AGBL1: variants seen among roughly 807,000 people sequenced by gnomAD.
The protein encoded by AGBL1 is AGBL carboxypeptidase 1, also known as cytosolic carboxypeptidase 4.
A neutral mutation model predicts 118.9 loss-of-function variants in AGBL1; 130 were observed. That is an observed-to-expected ratio of 1.09 (90% CI 0.95 to 1.26). The LOEUF (loss-of-function observed/expected upper bound fraction) is 1.26, where lower values mean the gene tolerates loss of function less well. Among genes scored for constraint, AGBL1 ranks in the 50% most tolerant of loss-of-function variants. The pLI is 0.00. For synonymous variants in AGBL1, 555 were observed against 478.9 expected (o/e 1.16, Z -2.08); for missense variants, 1,584 against 1,298.1 (o/e 1.22, Z -3.38).
At chr15:86,396,053 GAAAAT>G in intron 17 of AGBL1, among the ~76,000 whole-genome samples, 1 of 150,938 alleles carries the variant, frequency 6.6e-6, no homozygotes. Context: ...CCATGTTGCT[GAAAAT>G]GACAGAATTC....
chr15:86,752,026 ATTTG>A (rs1169493106), intron 22 of AGBL1, among the ~76,000 whole-genome samples: 1 of 152,070 alleles, frequency 6.6e-6, no homozygotes, highest in African/African-American at 2.4e-5. Context: ...CCTTGGTTCA[ATTTG>A]TTCTCTATAT....
In AGBL1 at chr15:86,909,392, T is replaced by C. The variant is rs2080320883; in HGVS notation, c.*2098T>C. ...TCAGATGACACTCATAGCACACACCTCTTGACCAGCAGAAAGCCACAGAAC... is the reference window on the plus strand; with the variant it reads ...TCAGATGACACTCATAGCACACACCCCTTGACCAGCAGAAAGCCACAGAAC... On this transcript the variant is annotated 3_prime_UTR_variant, in exon 23 of 23. Transcript: ENST00000614907. The C allele has an allele frequency of 6.6e-6, 1 of 152,184 alleles. No individual in the cohort carries two copies. Among genetic ancestry groups the C allele is most frequent in the Non-Finnish European group, 1.5e-5 (1 of 68,042 alleles). The allele number at this position is 152,184 out of a possible 1,614,324, so 9.4% of individuals were successfully genotyped here.
In AGBL1 at chr15:86,206,644, A is replaced by G. The variant is rs115736000; in HGVS notation, c.489-18270A>G. Reference sequence around the variant, plus strand: ...GAAATGTCTTTTCATATCCTCTCCCACTTTGTGATGGGATTGTTTGATTTT... The same window carrying G: ...GAAATGTCTTTTCATATCCTCTCCCGCTTTGTGATGGGATTGTTTGATTTT... On this transcript the variant is annotated intron_variant, in intron 5 of 22. Transcript: ENST00000614907. 8.1e-3 allele frequency among the ~76,000 whole-genome samples: 1,235 copies of G among 152,078 alleles called. 17 individuals carry two copies. The highest frequency in any genetic ancestry group is 0.028 in the African/African-American group (1,178 of 41,464).
intron 22 of AGBL1, among the ~76,000 whole-genome samples, chr15:86,874,454 G>A (rs1376662258): frequency 6.0e-5 from 9 of 151,258 alleles, no homozygotes; most frequent in Admixed American, 1.3e-4. Context: ...AATTATGTTC[G>A]TTTCTCCCCA....
intron 18 of AGBL1, among the ~76,000 whole-genome samples, chr15:86,482,544 A>G (rs2082665443): frequency 1.3e-5 from 2 of 152,080 alleles, no homozygotes; most frequent in Non-Finnish European, 2.9e-5. Flanking sequence ...TTCGATACCT[A>G]TAATTGAAAC....
At chr15:86,108,620 C>T (rs1190909959) in intron 1 of AGBL1, among the ~76,000 whole-genome samples, 1 of 152,052 alleles carries the variant, frequency 6.6e-6, no homozygotes, top group African/African-American at 2.4e-5. Flanking sequence ...AAATTGAGGT[C>T]AAGAGAGATG....
chr15:86,142,070 G>A lies in AGBL1; in HGVS notation c.115+3G>A. 6.5e-7 allele frequency: 1 copy of A among 1,550,152 alleles called. No homozygotes were observed. The highest frequency in any genetic ancestry group is 1.2e-5 in the South Asian group (1 of 83,920). On this transcript the variant is annotated splice_donor_region_variant and intron_variant, in intron 2 of 22. Transcript: ENST00000614907. ...CCTCGGAGATCTGCTTTCTGTTGGT[G>A]AGTAGGCCATGCTCTCATGCTTTCA...
intron 23 of AGBL1, among the ~76,000 whole-genome samples, chr15:86,969,865 A>C (rs1596688492): frequency 6.6e-6 from 1 of 151,920 alleles, no homozygotes; most frequent in Non-Finnish European, 1.5e-5. Context: ...CAGTCACCTC[A>C]CTGAGGAATG....
At chr15:86,956,336 A>G (rs2080931473) in intron 23 of AGBL1, among the ~76,000 whole-genome samples, 1 of 152,102 alleles carries the variant, frequency 6.6e-6, no homozygotes, top group Non-Finnish European at 1.5e-5. Flanking sequence ...ATGGATAGAT[A>G]GATAGATGAT....
At chr15:86,854,453 G>A (rs1396512198) in intron 22 of AGBL1, among the ~76,000 whole-genome samples, 1 of 152,166 alleles carries the variant, frequency 6.6e-6, no homozygotes, top group African/African-American at 2.4e-5. Context: ...TGGGTGACAG[G>A]AGGCCCAACT....
At position 86,969,144 on chromosome 15, in the gene AGBL1, A is replaced by G. The variant is rs1279106672; in HGVS notation, c.3222-18843A>G. On this transcript the variant is annotated intron_variant, in intron 23 of 24. Transcript: ENST00000441037. ...ATCAAAAGTATTCACTTGTTCTAGC[A>G]TCAACTCAAAATTTAAAGTTCAAAG... 2.6e-5 allele frequency among the ~76,000 whole-genome samples: 4 copies of G among 152,090 alleles called. No individual in the cohort carries two copies. The East Asian group carries it at 7.8e-4, about 30-fold the overall frequency.
chr15:86,175,894 T>C (rs1221983609), intron 5 of AGBL1, among the ~76,000 whole-genome samples: 1 of 152,218 alleles, frequency 6.6e-6, no homozygotes, highest in Non-Finnish European at 1.5e-5. Context: ...GAGATTAATT[T>C]TGTGGCCTAA....
intron 1 of AGBL1, among the ~76,000 whole-genome samples, chr15:86,095,575 G>A (rs185241688): frequency 2.2e-3 from 326 of 149,906 alleles, no homozygotes; most frequent in African/African-American, 6.2e-3. Context: ...GGATTTTTCC[G>A]TGCCAGGAAC....
chr15:86,270,940 C>G (rs1280470761), intron 14 of AGBL1, among the ~76,000 whole-genome samples: 1 of 151,900 alleles, frequency 6.6e-6, no homozygotes, highest in African/African-American at 2.4e-5. Context: ...TTCCCAGCTT[C>G]TAGAGTAGCA....
In AGBL1 at chr15:86,317,636, C is replaced by T. The variant is rs115830978; in HGVS notation, c.2374+22228C>T. On this transcript the variant is annotated intron_variant, in intron 17 of 22. Transcript: ENST00000614907. ...ACTAGCTTTGGGAGGAGGATTGAGTCGATATTAATGATGAAATAGAGCAGG... is the reference window on the plus strand; with the variant it reads ...ACTAGCTTTGGGAGGAGGATTGAGTTGATATTAATGATGAAATAGAGCAGG... 4.1e-3 allele frequency among the ~76,000 whole-genome samples: 627 copies of T among 152,142 alleles called. 6 individuals are homozygous for T. Among genetic ancestry groups the T allele is most frequent in the African/African-American group, 0.014 (584 of 41,506 alleles).
chr15:86,758,123 C>A (rs1485822800), intron 22 of AGBL1, among the ~76,000 whole-genome samples: 1 of 152,094 alleles, frequency 6.6e-6, no homozygotes, highest in African/African-American at 2.4e-5. Flanking sequence ...AATCTGGAAA[C>A]TATACTATAG....
intron 22 of AGBL1, among the ~76,000 whole-genome samples, chr15:86,746,080 G>C (rs893159861): frequency 1.3e-5 from 2 of 152,020 alleles, no homozygotes; most frequent in Admixed American, 1.3e-4. Context: ...CTTCATCCCA[G>C]TAAGGGCCTC....
Position 86,714,416 on chromosome 15 carries a change from G to A in AGBL1, c.3158+39980G>A, listed in dbSNP as rs149521933. On this transcript the variant is annotated intron_variant, in intron 22 of 22. Transcript: ENST00000614907. ...AAGATAAACTATCAGTGGGAAATTA[G>A]CCTGGAAGCAAGGAATTGAAGCAGT... 2.6e-3 allele frequency among the ~76,000 whole-genome samples: 401 copies of A among 152,280 alleles called. 1 individual carries two copies. Among genetic ancestry groups the A allele is most frequent in the African/African-American group, 9.1e-3 (378 of 41,552 alleles).
intron 5 of AGBL1, among the ~76,000 whole-genome samples, chr15:86,183,543 T>G (rs772073666): frequency 7.2e-5 from 11 of 152,126 alleles, no homozygotes; most frequent in Non-Finnish European, 1.2e-4. Context: ...TTTCCTCAAA[T>G]TTAAAAACAG....
Sources: allele counts gnomAD v4.1 joint callset (sites outside exome capture counted in the v4.1 genomes callset), GRCh38; gene constraint gnomAD v4.1.1; transcripts MANE v1.5; gene names NCBI Gene and HGNC (gene_info 2026-07-23, HGNC 2026-07-21).